Variants in MYH3 observed in about 807,000 individuals in gnomAD.
MYH3 encodes myosin heavy chain 3.
Under a neutral mutation model 238.0 loss-of-function variants are expected in MYH3, and 130 were observed. That is an observed-to-expected ratio of 0.55 (90% CI 0.47 to 0.63). The LOEUF is 0.63. MYH3 is among the 30% of genes least tolerant of loss of function. The pLI, the probability that MYH3 is intolerant of heterozygous loss-of-function variation, is 0.00. For missense variants in MYH3, 1,853 were observed against 2,374.9 expected, an observed-to-expected ratio of 0.78 and a Z score of 4.57; for synonymous variants, 880 against 924.1, an observed-to-expected ratio of 0.95 and a Z score of 0.86.
chr17:10,642,406 A>G lies in MYH3; in HGVS notation c.1888+11T>C, dbSNP rs1412568727. On this transcript the variant is annotated intron_variant, in intron 16 of 40. Transcript: ENST00000583535. The surrounding 1 kb of genome is among the most constrained non-coding windows in gnomAD (Gnocchi z 5.4). Reference sequence around the variant, plus strand: ...GAGGGAAATCACATGGACACAAAGCACTCCTCTTACCATCCGCCGTGGCAA... The same window carrying G: ...GAGGGAAATCACATGGACACAAAGCGCTCCTCTTACCATCCGCCGTGGCAA... The G allele has an allele frequency of 6.2e-7, 1 of 1,613,940 alleles. No individual in the cohort carries two copies. The highest frequency in any genetic ancestry group is 1.1e-5 in the South Asian group (1 of 91,062).
intron 30 of MYH3, 87 bp from the exon 31 acceptor site, chr17:10,635,110 A>C (rs147626580): frequency 7.0e-7 from 1 of 1,435,154 alleles, no homozygotes; most frequent in Non-Finnish European, 9.7e-7. Flanking sequence ...TCACTAATCT[A>C]TGTGATTCAG....
chr17:10,663,860 C>T, the MYH3 span, among the ~76,000 whole-genome samples: 15 of 151,802 alleles, frequency 9.9e-5, no homozygotes, highest in South Asian at 6.2e-4. Flanking sequence ...ATCAGGAGTT[C>T]GAGACCAGCG....
rs549436092 is a variant in MYH3 at position 10,635,141 on chromosome 17, G to A, written c.4173-118C>T. ...TTCAGACACCCATGTGTTTTTATAC[G>A]CCCAGGAGAATTTCCTGTCTACTCA... On this transcript the variant is annotated intron_variant, in intron 30 of 40. Coordinates refer to ENST00000583535, the MANE Select transcript of MYH3 (RefSeq NM_002470.4). 5.8e-5 allele frequency: 78 copies of A among 1,338,614 alleles called. No individual in the cohort carries two copies. In the African/African-American group the frequency reaches 8.4e-4, roughly 14 times the overall value. The allele number at this position is 1,338,614 out of a possible 1,614,324, so 82.9% of individuals were successfully genotyped here. A position where few individuals can be genotyped will look rare whatever the true frequency, so the allele number is the denominator to read the frequency against.
rs112009801 is a variant in MYH3, at chr17:10,629,351, A to C, written c.5796+246T>G. ...AGCTTCATCCATGTCCCTGCAAAGG[A>C]CATGATATCATTCTTTTTTATGGCT... On this transcript the variant is annotated intron_variant, in intron 40 of 40. Transcript: ENST00000583535. Among the ~76,000 whole-genome samples, 7,886 of 152,138 alleles carry C rather than the reference A, an allele frequency of 0.052. 461 individuals are homozygous for C. Among genetic ancestry groups the C allele is most frequent in the African/African-American group, 0.14 (5,763 of 41,454 alleles).
At chr17:10,636,117 G>A (rs891520619) in intron 28 of MYH3, among the ~76,000 whole-genome samples, 2 of 151,966 alleles carry the variant, frequency 1.3e-5, no homozygotes, top group Admixed American at 6.6e-5. Context: ...AAGGTCAGGA[G>A]TTTGAGACCA....
chr17:10,637,885 G>A lies in MYH3; in HGVS notation c.3780C>T (p.Ala1260=). 1.2e-6 allele frequency: 2 copies of A among 1,613,990 alleles called. No individual in the cohort carries two copies. Among genetic ancestry groups the A allele is most frequent in the Middle Eastern group, 3.3e-4 (2 of 6,056 alleles). ...CRTLEDQLSE[A]RGKNEEIQRS... ...TCTGAATTTCCTCATTCTTGCCCCT[G>A]GCCTCACTTAACTGATCCTCCAGGG... is the stretch of plus-strand genomic sequence containing the variant. Residue 1260 remains alanine, a synonymous_variant, in exon 28 of 41, where the codon GCC becomes GCT. Transcript: ENST00000583535.
At position 10,654,658 on chromosome 17, in the gene MYH3, ACT is replaced by A. The variant is rs1327169507; in HGVS notation, c.204+201_204+202del. Among the ~76,000 whole-genome samples, 1 of 152,006 alleles carries A rather than the reference ACT, an allele frequency of 6.6e-6. No homozygotes were observed. The highest frequency in any genetic ancestry group is 2.4e-5 in the African/African-American group (1 of 41,374). On this transcript the variant is annotated intron_variant, in intron 3 of 40. Coordinates refer to ENST00000583535, the MANE Select transcript of MYH3 (RefSeq NM_002470.4). This position sits in a 1 kb window ranked among gnomAD's most constrained non-coding sequence, Gnocchi z 4.5. ...AATTGTTTTAATCAGCCACAGCCAG[ACT>A]CTATTCCCACCCTGGAACCTGAGGC... is the stretch of plus-strand genomic sequence containing the variant.
chr17:10,652,281 C>T (rs766013658), intron 4 of MYH3, 139 bp downstream of exon 4: 4 of 1,114,952 alleles, frequency 3.6e-6, no homozygotes, highest in Non-Finnish European at 5.3e-6. Context: ...CTTCTTTCTC[C>T]TCCGTCTTTG....
chr17:10,629,004 G>T (rs886616058), intron 40 of MYH3, among the ~76,000 whole-genome samples: 3 of 152,154 alleles, frequency 2.0e-5, no homozygotes, highest in Non-Finnish European at 4.4e-5. Flanking sequence ...GGACCCGCTC[G>T]CTCCTTTTCA....
the MYH3 span, among the ~76,000 whole-genome samples, chr17:10,670,477 T>C: frequency 6.6e-6 from 1 of 152,204 alleles, no homozygotes; most frequent in Non-Finnish European, 1.5e-5. This position sits in a 1 kb window ranked among gnomAD's most constrained non-coding sequence, Gnocchi z 7.0. Context: ...CAGTGTTTTG[T>C]TTGTTTGCTT....
In MYH3 at chr17:10,639,119, C is replaced by T. The variant is rs886052582; in HGVS notation, c.3173G>A (p.Gly1058Glu). The T allele has an allele frequency of 3.7e-6, 6 of 1,614,142 alleles. No homozygotes were observed. The highest frequency in any genetic ancestry group is 1.3e-5 in the African/African-American group (1 of 75,036). ...DLERNKRKLE[G>E]DLKLAQESIL... The stretch of plus-strand genomic sequence containing the variant: ...GGACTCTTGAGCAAGCTTCAAGTCT[C>T]CTTCCAATTTCCTTTTGTTCCTTTC... The change falls in exon 25 of 41, where the codon GGA becomes GAA. Residue 1058 changes from glycine to glutamate, a missense_variant. Gly to Glu is a moderately conservative substitution (Grantham distance 98). Coordinates refer to ENST00000583535, the MANE Select transcript of MYH3 (RefSeq NM_002470.4).
intron 34 of MYH3, 120 bp downstream of exon 34, chr17:10,632,356 T>C: frequency 8.6e-7 from 1 of 1,168,558 alleles, no homozygotes; most frequent in Non-Finnish European, 1.3e-6. Flanking sequence ...TGGGCTCAAG[T>C]GAGCCTCTTG....
intron 26 of MYH3, 120 bp from the exon 27 acceptor site, chr17:10,638,552 A>T: frequency 7.5e-7 from 1 of 1,327,330 alleles, no homozygotes; most frequent in Non-Finnish European, 1.0e-6. Context: ...CCCTCCAATG[A>T]ATACTGCAAA....
the MYH3 span, among the ~76,000 whole-genome samples, chr17:10,672,087 G>A: frequency 6.6e-6 from 1 of 152,148 alleles, no homozygotes; most frequent in African/African-American, 2.4e-5. Context: ...TACAAAAACA[G>A]GCTCATTCTG....
At chr17:10,668,140 A>C in the MYH3 span, among the ~76,000 whole-genome samples, 1 of 152,236 alleles carries the variant, frequency 6.6e-6, no homozygotes, top group Admixed American at 6.5e-5. Flanking sequence ...CACGCCTATA[A>C]TCCTAGCACT....
In MYH3 at chr17:10,648,647, C is replaced by A; in HGVS notation, c.645G>T (p.Gly215=). Residue 215 remains glycine, a splice_region_variant and synonymous_variant, in exon 8 of 41, where the codon GGG becomes GGT. Coordinates refer to ENST00000583535, the MANE Select transcript of MYH3 (RefSeq NM_002470.4). Reference sequence around the variant, plus strand: ...CACTGATGATTTGATCTTCCAGAGTCCCCTAATGCAAGAAATTGAGGGAAG... The same window carrying A: ...CACTGATGATTTGATCTTCCAGAGTACCCTAATGCAAGAAATTGAGGGAAG... The part of the protein sequence containing the change: ...LAKKKDSKMK[G]TLEDQIISAN... The A allele has an allele frequency of 1.1e-5, 18 of 1,612,798 alleles. No homozygotes were observed. The highest frequency in any genetic ancestry group is 1.5e-5 in the Non-Finnish European group (18 of 1,179,180).
intron 32 of MYH3, 27 bp from the exon 33 acceptor site, chr17:10,633,742 T>C (rs374924521): frequency 4.3e-6 from 7 of 1,613,410 alleles, no homozygotes; most frequent in Non-Finnish European, 5.1e-6. Flanking sequence ...TTCAGTTGCA[T>C]ATGAGCGCCT....
At chr17:10,663,363 G>A in the MYH3 span, among the ~76,000 whole-genome samples, 82 of 152,284 alleles carry the variant, frequency 5.4e-4, 1 homozygote, top group African/African-American at 1.9e-3. Flanking sequence ...AGAATGTCTC[G>A]CGGAACAAGG....
At chr17:10,643,413 G>T (rs1159370631) in intron 14 of MYH3, among the ~76,000 whole-genome samples, 1 of 149,680 alleles carries the variant, frequency 6.7e-6, no homozygotes, top group Non-Finnish European at 1.5e-5. Flanking sequence ...GTCTTGCTCT[G>T]TCACCAGGCT....
Sources: allele counts gnomAD v4.1 joint callset (sites outside exome capture counted in the v4.1 genomes callset), GRCh38; gene constraint gnomAD v4.1.1; non-coding constraint Gnocchi (gnomAD v3.1); transcripts MANE v1.5; gene names NCBI Gene and HGNC (gene_info 2026-07-23, HGNC 2026-07-21).